DYNC1I2: variants seen among roughly 807,000 people sequenced by gnomAD.
DYNC1I2 encodes the protein dynein cytoplasmic 1 intermediate chain 2, also known as cytoplasmic dynein 1 intermediate chain 2.
In DYNC1I2, 53 loss-of-function variants were observed where a neutral mutation model predicts 88.6. The observed-to-expected ratio is 0.60, with a 90% CI of 0.48 to 0.75. The LOEUF (loss-of-function observed/expected upper bound fraction) is 0.75. Ranked by LOEUF, DYNC1I2 falls within the 30% of genes least tolerant of loss-of-function variation. The probability of loss-of-function intolerance (pLI) is 0.00; values close to 1 mark genes in which losing one functional copy is unlikely to be tolerated. For missense variants in DYNC1I2, 458 were observed against 766.6 expected (o/e 0.60, Z 4.75); for synonymous variants, 198 against 254.6 (o/e 0.78, Z 2.12).
chr2:171,746,021 G>A, intron 17 of DYNC1I2, 94 bp downstream of exon 17: 2 of 1,393,222 alleles, frequency 1.4e-6, no homozygotes, highest in Non-Finnish European at 2.0e-6. Context: ...TGAGGTTTAT[G>A]AGTTGTTTAA....
intron 7 of DYNC1I2, among the ~76,000 whole-genome samples, chr2:171,717,117 A>G (rs1239035023): frequency 6.6e-6 from 1 of 150,424 alleles, no homozygotes; most frequent in Non-Finnish European, 1.5e-5. Context: ...GGAAATTGGT[A>G]TAACATTTTT....
chr2:171,710,790 C>T (rs1303947897), intron 5 of DYNC1I2, among the ~76,000 whole-genome samples: 3 of 150,668 alleles, frequency 2.0e-5, no homozygotes, highest in African/African-American at 7.3e-5. Context: ...TCAATCTCTG[C>T]CTCCTGGGTT....
chr2:171,732,023 C>G (rs1688648200), intron 15 of DYNC1I2, among the ~76,000 whole-genome samples: 2 of 152,142 alleles, frequency 1.3e-5, no homozygotes, highest in East Asian at 3.8e-4. Context: ...TAACCCACCA[C>G]CTCTTCACCA....
At chr2:171,727,260 A>G (rs945728644) in intron 11 of DYNC1I2, among the ~76,000 whole-genome samples, 1 of 152,146 alleles carries the variant, frequency 6.6e-6, no homozygotes, top group Non-Finnish European at 1.5e-5. Flanking sequence ...TGAATATACA[A>G]TTAGATGGTT....
At chr2:171,720,091 G>A (rs926162217) in intron 7 of DYNC1I2, among the ~76,000 whole-genome samples, 4 of 150,714 alleles carry the variant, frequency 2.7e-5, no homozygotes, top group South Asian at 2.1e-4. Flanking sequence ...AATCCTGAAG[G>A]TTACCTAATC....
At chr2:171,691,790 A>G (rs1234345708) in intron 2 of DYNC1I2, among the ~76,000 whole-genome samples, 1 of 152,198 alleles carries the variant, frequency 6.6e-6, no homozygotes, top group African/African-American at 2.4e-5. Flanking sequence ...TATCTATTGC[A>G]TGATTTATAC....
At chr2:171,712,085 A>C (rs931817722) in intron 5 of DYNC1I2, among the ~76,000 whole-genome samples, 7 of 152,238 alleles carry the variant, frequency 4.6e-5, no homozygotes, top group Admixed American at 3.9e-4. Context: ...ATTTGAACAT[A>C]AAATATTTTT....
chr2:171,729,040 T>A (rs1429329454), intron 14 of DYNC1I2, among the ~76,000 whole-genome samples, 190 bp downstream of exon 14: 2 of 152,122 alleles, frequency 1.3e-5, no homozygotes, highest in African/African-American at 4.8e-5. Flanking sequence ...TCATGATGTG[T>A]TTAGATTTTG....
At chr2:171,730,860 T>C (rs557670697) in intron 15 of DYNC1I2, among the ~76,000 whole-genome samples, 1 of 152,328 alleles carries the variant, frequency 6.6e-6, no homozygotes, top group East Asian at 1.9e-4. Context: ...TAGTTATTTA[T>C]CAAGTGTTGG....
At chr2:171,731,436 T>A (rs1012335536) in intron 15 of DYNC1I2, among the ~76,000 whole-genome samples, 1 of 152,122 alleles carries the variant, frequency 6.6e-6, no homozygotes, top group Admixed American at 6.5e-5. Flanking sequence ...CATCAAATAG[T>A]GTGTTTTGTC....
At chr2:171,702,131 A>G (rs1686309036) in intron 3 of DYNC1I2, among the ~76,000 whole-genome samples, 1 of 152,250 alleles carries the variant, frequency 6.6e-6, no homozygotes, top group African/African-American at 2.4e-5. Flanking sequence ...CAGTTGAATT[A>G]CCAGTTTCTC....
intron 5 of DYNC1I2, among the ~76,000 whole-genome samples, chr2:171,709,453 T>G (rs1033886184): frequency 2.0e-5 from 3 of 152,158 alleles, no homozygotes; most frequent in Non-Finnish European, 2.9e-5. Context: ...AGATAAAACA[T>G]TCATGGTCCT....
At chr2:171,743,530 A>C (rs1355645608) in intron 15 of DYNC1I2, among the ~76,000 whole-genome samples, 1 of 152,202 alleles carries the variant, frequency 6.6e-6, no homozygotes, top group African/African-American at 2.4e-5. Flanking sequence ...CACCTGTCAG[A>C]AGTTCTCGTG....
rs768128306 is a variant in DYNC1I2, at chr2:171,726,243, G to T, written c.820G>T (p.Glu274Ter). 6.2e-7 allele frequency: 1 copy of T among 1,612,202 alleles called. No individual in the cohort carries two copies. Among genetic ancestry groups the T allele is most frequent in the South Asian group, 1.1e-5 (1 of 90,746 alleles). Residue 274 changes from glutamate to a stop codon, truncating the protein, a stop_gained, in exon 10 of 18, where the codon GAA (glutamate) becomes TAA (stop). Coordinates refer to ENST00000397119, the MANE Select transcript of DYNC1I2 (RefSeq NM_001378.3). LOFTEE classifies it high-confidence loss of function. ...GTCATTAAATCGACAATTTTTTGAC[G>T]AACGTTGGTCAAAGCATCGGGTGGT... ...KLSLNRQFFD[E>*]RWSKHRVVSC...
chr2:171,749,496 T>A lies in DYNC1I2; in HGVS notation c.*1607T>A, dbSNP rs1220866036. Among the ~76,000 whole-genome samples, 1 of 152,128 alleles carries A rather than the reference T, an allele frequency of 6.6e-6. No homozygotes were observed. The highest frequency in any genetic ancestry group is 1.5e-5 in the Non-Finnish European group (1 of 67,970). ...CTTCAATTTTAGTAGAGTCACACTT[T>A]CTTTATATAGAAAAATTCATGTACT... is the stretch of plus-strand genomic sequence containing the variant. On this transcript the variant is annotated 3_prime_UTR_variant, in exon 18 of 18. Transcript: ENST00000397119.
chr2:171,696,997 T>TATA (rs1685819191), intron 3 of DYNC1I2, among the ~76,000 whole-genome samples: 7 of 151,222 alleles, frequency 4.6e-5, no homozygotes, highest in Admixed American at 4.6e-4. Context: ...TTTTCTTAAT[T>TATA]ATTATTATTA....
chr2:171,733,689 A>G (rs1165108373), intron 15 of DYNC1I2, among the ~76,000 whole-genome samples: 1 of 151,476 alleles, frequency 6.6e-6, no homozygotes, highest in Non-Finnish European at 1.5e-5. Flanking sequence ...CGTCAGATTC[A>G]TAGATTGTAG....
chr2:171,699,751 C>G (rs1332133986), intron 3 of DYNC1I2, among the ~76,000 whole-genome samples: 1 of 151,864 alleles, frequency 6.6e-6, no homozygotes, highest in Non-Finnish European at 1.5e-5. Context: ...GTCCTCCTGC[C>G]TCAGCCTCCT....
intron 7 of DYNC1I2, among the ~76,000 whole-genome samples, chr2:171,724,894 T>C (rs1221314701): frequency 6.6e-6 from 1 of 152,220 alleles, no homozygotes; most frequent in East Asian, 1.9e-4. Flanking sequence ...GATTTAGTAA[T>C]TTTTTAGAAG....
Sources: allele counts gnomAD v4.1 joint callset (sites outside exome capture counted in the v4.1 genomes callset), GRCh38; gene constraint gnomAD v4.1.1; transcripts MANE v1.5; gene names NCBI Gene and HGNC (gene_info 2026-07-23, HGNC 2026-07-21).